ZNF407: variants seen among roughly 807,000 people sequenced by gnomAD.
ZNF407 encodes zinc finger protein 407.
ZNF407 carries 17 observed loss-of-function variants against 131.2 expected under a neutral mutation model. That is an observed-to-expected ratio of 0.13 (90% CI 0.09 to 0.19). The LOEUF (loss-of-function observed/expected upper bound fraction) is 0.19, where lower values mean the gene tolerates loss of function less well. Among genes scored for constraint, ZNF407 ranks in the 10% least tolerant of loss-of-function variants. The probability of loss-of-function intolerance (pLI) is 1.00; values close to 1 mark genes in which losing one functional copy is unlikely to be tolerated. For missense variants in ZNF407, 2,681 were observed against 2,830.6 expected, an observed-to-expected ratio of 0.95 and a Z score of 1.20; for synonymous variants, 1,156 against 1,062.0, an observed-to-expected ratio of 1.09 and a Z score of -1.72.
chr18:74,804,304 A>T, intron 4 of ZNF407: 1 of 986,154 alleles, frequency 1.0e-6, no homozygotes, highest in Non-Finnish European at 1.2e-6. Flanking sequence ...CAATGAGTTA[A>T]AAAAAAAAAA....
intron 8 of ZNF407, among the ~76,000 whole-genome samples, chr18:75,013,428 CTCTT>C (rs1287934349): frequency 6.6e-6 from 1 of 152,070 alleles, no homozygotes; most frequent in African/African-American, 2.4e-5. Context: ...TGGGGCACAC[CTCTT>C]TCTTTCTTCC....
At chr18:74,744,019 G>C (rs997826270) in intron 3 of ZNF407, among the ~76,000 whole-genome samples, 1 of 152,050 alleles carries the variant, frequency 6.6e-6, no homozygotes, top group African/African-American at 2.4e-5. Context: ...TTGTTCTCAT[G>C]GGACCTTTTG....
chr18:74,618,167 C>G (rs1983393092), intron 1 of ZNF407, among the ~76,000 whole-genome samples: 1 of 113,380 alleles, frequency 8.8e-6, no homozygotes, highest in African/African-American at 3.0e-5. Context: ...GCTCCTGTGT[C>G]TTTGTGCTTT....
At chr18:74,836,668 T>TTA (rs1219313689) in intron 4 of ZNF407, among the ~76,000 whole-genome samples, 4 of 152,222 alleles carry the variant, frequency 2.6e-5, no homozygotes, top group African/African-American at 7.2e-5. Context: ...ACCGTCTGAG[T>TTA]TATAGTAAAG....
chr18:74,609,894 G>A (rs1599126703), intron 1 of ZNF407, among the ~76,000 whole-genome samples: 1 of 152,186 alleles, frequency 6.6e-6, no homozygotes, highest in South Asian at 2.1e-4. Flanking sequence ...CCATTTGGTG[G>A]TTCCTAGAGC....
intron 8 of ZNF407, among the ~76,000 whole-genome samples, chr18:74,995,867 G>A (rs1035859121): frequency 1.3e-5 from 2 of 152,114 alleles, no homozygotes; most frequent in African/African-American, 4.8e-5. Flanking sequence ...GAGTGGTTTT[G>A]TTATTTTTAC....
chr18:74,724,870 T>G (rs1968120709), intron 3 of ZNF407, among the ~76,000 whole-genome samples: 1 of 152,232 alleles, frequency 6.6e-6, no homozygotes, highest in Non-Finnish European at 1.5e-5. Context: ...AATATTGGGT[T>G]TCAAAGTTAA....
At chr18:74,998,161 CTTT>C (rs956572063) in intron 8 of ZNF407, among the ~76,000 whole-genome samples, 5 of 152,152 alleles carry the variant, frequency 3.3e-5, no homozygotes, top group African/African-American at 1.2e-4. Context: ...GTTAAGAATC[CTTT>C]TTTTCATGGG....
chr18:74,948,266 C>T (rs1185159743), intron 8 of ZNF407, among the ~76,000 whole-genome samples: 1 of 152,170 alleles, frequency 6.6e-6, no homozygotes, highest in Admixed American at 6.5e-5. Flanking sequence ...CTTTATGTGC[C>T]ATGGGAGTAT....
rs529929701 is a variant in ZNF407 at position 74,868,196 on chromosome 18, T to C, written c.4878-9001T>C. Among the ~76,000 whole-genome samples, 7 of 152,338 alleles carry C rather than the reference T, an allele frequency of 4.6e-5. No individual in the cohort carries two copies. In the South Asian group the frequency reaches 1.2e-3, roughly 27 times the overall value. ...TTTGTATCATGTGTAGGTATATAGC[T>C]TGAAGCACAGCAGCATTGCTATAGC... On this transcript the variant is annotated intron_variant, in intron 4 of 8. Coordinates refer to ENST00000299687, the MANE Select transcript of ZNF407 (RefSeq NM_017757.3).
In ZNF407 at chr18:75,064,075, G is replaced by C; in HGVS notation, c.6354G>C (p.Gly2118=). Residue 2118 remains glycine, a synonymous_variant, in exon 9 of 9, where the codon GGG becomes GGC. Transcript: ENST00000299687. The part of the protein sequence containing the change: ...SEEGAVHMVA[G]EGAQIIMQEA... ...AGGGTGCCGTCCACATGGTCGCCGG[G>C]GAGGGTGCCCAGATCATCATGCAGG... 1 of 1,589,824 alleles carries C rather than the reference G, an allele frequency of 6.3e-7. No homozygotes were observed. The highest frequency in any genetic ancestry group is 8.6e-7 in the Non-Finnish European group (1 of 1,168,990).
intron 4 of ZNF407, among the ~76,000 whole-genome samples, chr18:74,809,888 A>C (rs934172312): frequency 5.9e-5 from 9 of 152,162 alleles, no homozygotes; most frequent in Non-Finnish European, 8.8e-5. Context: ...ATTGGTGATA[A>C]ATGTTGAAGG....
In ZNF407 at chr18:75,064,097, C is replaced by A. The variant is rs754078792; in HGVS notation, c.6376C>A (p.Gln2126Lys). ...VAGEGAQIIM[Q>K]EAQGEHMDLV... ...CGGGGAGGGTGCCCAGATCATCATG[C>A]AGGAGGCGCAGGGCGAGCACATGGA... is the stretch of plus-strand genomic sequence containing the variant. Residue 2126 changes from glutamine (Q) to lysine (K), a missense_variant, in exon 9 of 9, where the codon CAG (glutamine) becomes AAG (lysine). Physicochemically the swap from Gln to Lys is moderately conservative, Grantham distance 53. Transcript: ENST00000299687. 6.3e-7 allele frequency: 1 copy of A among 1,591,258 alleles called. No individual in the cohort carries two copies. The highest frequency in any genetic ancestry group is 1.1e-5 in the South Asian group (1 of 87,524).
At position 74,631,437 on chromosome 18, in the gene ZNF407, A is replaced by G. The variant is rs200498966; in HGVS notation, c.418A>G (p.Ile140Val). 156 of 1,613,868 alleles carry G rather than the reference A, an allele frequency of 9.7e-5. No individual in the cohort carries two copies. Among genetic ancestry groups the G allele is most frequent in the African/African-American group, 2.8e-4 (21 of 74,896 alleles). The change falls in exon 2 of 9, where the codon ATT (isoleucine) becomes GTT (valine). Residue 140 changes from isoleucine (I) to valine (V), a missense_variant. Physicochemically the swap from Ile to Val is conservative, Grantham distance 29. This residue lies in a region of ZNF407 where 1,789 missense variants were observed against 1,748.7 expected (regional missense o/e 1.02). Transcript: ENST00000299687. ...CTCCCCTTCTTGCAATTTTAGCACTATTGATGTTGTTTCTCTGAAAACAGA... is the reference window on the plus strand; with the variant it reads ...CTCCCCTTCTTGCAATTTTAGCACTGTTGATGTTGTTTCTCTGAAAACAGA... ...ALSPSCNFSTIDVVSLKTDTE... is the reference protein window; with the variant it reads ...ALSPSCNFSTVDVVSLKTDTE...
intron 3 of ZNF407, among the ~76,000 whole-genome samples, chr18:74,654,004 A>G (rs750851147): frequency 1.3e-5 from 2 of 151,846 alleles, no homozygotes; most frequent in Admixed American, 6.6e-5. Context: ...TTAAGTATCA[A>G]TACTTCAAAA....
intron 1 of ZNF407, among the ~76,000 whole-genome samples, chr18:74,627,479 T>C (rs538218603): frequency 6.6e-6 from 1 of 152,314 alleles, no homozygotes; most frequent in South Asian, 2.1e-4. Context: ...GAAAAGAGCA[T>C]TTCTGTCCCC....
At chr18:74,649,131 A>G (rs1985108556) in intron 3 of ZNF407, among the ~76,000 whole-genome samples, 1 of 152,200 alleles carries the variant, frequency 6.6e-6, no homozygotes. Context: ...AATTTTTAGA[A>G]AGTTATTTTT....
intron 1 of ZNF407, among the ~76,000 whole-genome samples, chr18:74,623,448 CAGAG>C (rs1253691059): frequency 5.3e-5 from 8 of 151,894 alleles, no homozygotes; most frequent in Non-Finnish European, 1.0e-4. Context: ...GGGAGAAAGG[CAGAG>C]AGAGAAATGA....
chr18:74,781,379 A>G, intron 3 of ZNF407, 49 bp from the exon 4 acceptor site: 1 of 1,250,560 alleles, frequency 8.0e-7, no homozygotes, highest in East Asian at 2.6e-5. Context: ...ACAGATTTCT[A>G]GTGGAGAGTC....
Sources: gnomAD v4.1 joint callset for allele counts (sites outside exome capture counted in the v4.1 genomes callset) on GRCh38, gnomAD v4.1.1 for gene constraint, gnomAD v4.1.1 regional missense constraint, MANE v1.5 for transcripts, NCBI Gene and HGNC (gene_info 2026-07-23, HGNC 2026-07-21) for gene names.